Variants in RBFOX1 observed in about 807,000 individuals in gnomAD.
The protein encoded by RBFOX1 is RNA binding fox-1 homolog 1.
In RBFOX1, 8 loss-of-function variants were observed where a neutral mutation model predicts 57.7. The ratio of observed to expected loss-of-function variants is 0.14; its 90% CI spans 0.08 to 0.25. RBFOX1 has a LOEUF of 0.25. Ranked by LOEUF, RBFOX1 falls within the 10% of genes least tolerant of loss-of-function variation. RBFOX1 has a pLI of 1.00. For missense variants in RBFOX1, 611 were observed against 548.5 expected (o/e 1.11, Z -1.14); for synonymous variants, 326 against 222.4 (o/e 1.47, Z -4.15).
chr16:6,333,574 G>T (rs1035647475), intron 2 of RBFOX1, among the ~76,000 whole-genome samples: 3 of 151,800 alleles, frequency 2.0e-5, no homozygotes, highest in African/African-American at 7.3e-5. Context: ...TCAGAGTTTG[G>T]TTTACGAAAT....
chr16:7,223,254 G>A (rs1317961294), intron 4 of RBFOX1, among the ~76,000 whole-genome samples: 1 of 152,206 alleles, frequency 6.6e-6, no homozygotes, highest in Non-Finnish European at 1.5e-5. Flanking sequence ...AAGACCTCTA[G>A]GGGAGTCTGC....
intron 2 of RBFOX1, among the ~76,000 whole-genome samples, chr16:6,588,750 A>G (rs898411120): frequency 6.6e-6 from 1 of 152,170 alleles, no homozygotes; most frequent in African/African-American, 2.4e-5. Context: ...CTTGTAGAAC[A>G]TCTGAAAATC....
intron 7 of RBFOX1, among the ~76,000 whole-genome samples, chr16:7,591,001 G>A (rs1378663300): frequency 3.9e-5 from 6 of 152,152 alleles, no homozygotes; most frequent in Admixed American, 2.6e-4. Flanking sequence ...CTGAGTAGCA[G>A]GAGAGATGGA....
At chr16:7,152,882 A>C (rs1205959889) in intron 4 of RBFOX1, among the ~76,000 whole-genome samples, 1 of 152,226 alleles carries the variant, frequency 6.6e-6, no homozygotes, top group Non-Finnish European at 1.5e-5. Context: ...GCAAGACTCA[A>C]GTGGACATAA....
chr16:5,697,356 CAT>C (rs1257333883), intron 3 of RBFOX1, among the ~76,000 whole-genome samples: 3 of 150,986 alleles, frequency 2.0e-5, no homozygotes, highest in African/African-American at 7.3e-5. Context: ...ACATAAAACT[CAT>C]ATAATATGAA....
At chr16:7,690,638 A>T (rs1053384265) in intron 14 of RBFOX1, among the ~76,000 whole-genome samples, 1 of 151,006 alleles carries the variant, frequency 6.6e-6, no homozygotes, top group Non-Finnish European at 1.5e-5. Context: ...AGGCAGCCCC[A>T]CTGTCCAGAA....
rs576155339 is a variant in RBFOX1, at chr16:7,010,015, G to A, written c.-15-42042G>A. On this transcript the variant is annotated intron_variant, in intron 3 of 15. Transcript: ENST00000550418. ...TAAAAATCAATTAGACTTGATAGAAGCTCAGAGAACTCTTAAGAAAAAAAA... is the reference window on the plus strand; with the variant it reads ...TAAAAATCAATTAGACTTGATAGAAACTCAGAGAACTCTTAAGAAAAAAAA... Among the ~76,000 whole-genome samples the A allele has an allele frequency of 3.4e-5, 5 of 148,584 alleles. No homozygotes were observed. In the South Asian group the frequency reaches 1.1e-3, roughly 31 times the overall value.
intron 3 of RBFOX1, among the ~76,000 whole-genome samples, chr16:5,728,099 T>C (rs1329706276): frequency 6.6e-6 from 1 of 152,230 alleles, no homozygotes; most frequent in Non-Finnish European, 1.5e-5. Context: ...CAATCCCACT[T>C]ACGAGTGGAC....
intron 1 of RBFOX1, among the ~76,000 whole-genome samples, chr16:6,313,562 A>T (rs1005310552): frequency 1.3e-5 from 2 of 152,152 alleles, no homozygotes; most frequent in African/African-American, 4.8e-5. Context: ...TTTTGGAAGT[A>T]ATCGGTTTGC....
At chr16:5,985,736 T>G (rs2060273592) in intron 4 of RBFOX1, among the ~76,000 whole-genome samples, 1 of 152,100 alleles carries the variant, frequency 6.6e-6, no homozygotes, top group African/African-American at 2.4e-5. Context: ...GGAGGCAGGC[T>G]GCCCCCAAAG....
intron 3 of RBFOX1, among the ~76,000 whole-genome samples, chr16:5,705,984 C>G (rs1234436667): frequency 6.6e-6 from 1 of 152,162 alleles, no homozygotes; most frequent in Non-Finnish European, 1.5e-5. Context: ...GCTCTCCATT[C>G]ACTGCAACCT....
intron 1 of RBFOX1, among the ~76,000 whole-genome samples, chr16:5,365,395 C>T (rs1371227152): frequency 6.6e-6 from 1 of 152,196 alleles, no homozygotes; most frequent in Non-Finnish European, 1.5e-5. Context: ...CGGCTAGGCA[C>T]AGTGTCTCAC....
intron 3 of RBFOX1, among the ~76,000 whole-genome samples, chr16:6,834,071 T>G (rs891145160): frequency 3.3e-5 from 5 of 151,952 alleles, no homozygotes; most frequent in Admixed American, 6.5e-5. Context: ...TTTTTTCTAT[T>G]TTTATTTTTT....
At chr16:7,380,039 T>A (rs2097760470) in intron 4 of RBFOX1, among the ~76,000 whole-genome samples, 1 of 152,178 alleles carries the variant, frequency 6.6e-6, no homozygotes, top group Non-Finnish European at 1.5e-5. Context: ...AGAAAATTTT[T>A]AGAGAAGAGT....
chr16:6,906,873 C>T (rs1057313943), intron 3 of RBFOX1, among the ~76,000 whole-genome samples: 2 of 152,084 alleles, frequency 1.3e-5, no homozygotes, highest in South Asian at 4.2e-4. Context: ...CAGGCACCTG[C>T]CACCCCACCT....
chr16:6,993,558 C>T (rs1431544544), intron 3 of RBFOX1, among the ~76,000 whole-genome samples: 8 of 152,110 alleles, frequency 5.3e-5, no homozygotes, highest in Non-Finnish European at 4.4e-5. Context: ...TAATTTTATT[C>T]TACATAGGGA....
chr16:6,401,599 T>C (rs1416210363), intron 2 of RBFOX1, among the ~76,000 whole-genome samples: 1 of 152,146 alleles, frequency 6.6e-6, no homozygotes, highest in Non-Finnish European at 1.5e-5. Flanking sequence ...TAAAATATGA[T>C]CATTTTTCAG....
chr16:6,561,492 C>T (rs1006863521), intron 2 of RBFOX1, among the ~76,000 whole-genome samples: 2 of 152,116 alleles, frequency 1.3e-5, no homozygotes, highest in African/African-American at 4.8e-5. Flanking sequence ...GTCTATCAGG[C>T]TGACTTATGG....
At chr16:6,180,508 CT>C (rs34627599) in intron 1 of RBFOX1, among the ~76,000 whole-genome samples, 1,559 of 143,358 alleles carry the variant, frequency 0.011, 27 homozygotes, top group African/African-American at 0.037. Context: ...TTTGAGTTTT[CT>C]TTTTTTTTTT....
Sources: gnomAD v4.1 joint callset for allele counts (sites outside exome capture counted in the v4.1 genomes callset) on GRCh38, gnomAD v4.1.1 for gene constraint, MANE v1.5 for transcripts, NCBI Gene and HGNC (gene_info 2026-07-23, HGNC 2026-07-21) for gene names.